Variants in KLF12 observed in about 807,000 individuals in gnomAD.
KLF12 encodes Krueppel-like factor 12.
Under a neutral mutation model 37.8 loss-of-function variants are expected in KLF12, and 9 were observed. That is an observed-to-expected ratio of 0.24 (90% confidence interval 0.14 to 0.42). KLF12 has a LOEUF of 0.42. KLF12 is among the 10% of genes least tolerant of loss of function. The pLI is 1.00. For missense variants in KLF12, 411 were observed against 516.0 expected (o/e 0.80, Z 1.97); for synonymous variants, 208 against 202.1 (o/e 1.03, Z -0.25).
chr13:73,873,942 T>C (rs1886588820), intron 3 of KLF12, among the ~76,000 whole-genome samples: 1 of 151,822 alleles, frequency 6.6e-6, no homozygotes, highest in African/African-American at 2.4e-5. Context: ...AAAAAAAACA[T>C]TGAAGCAAAT....
intron 1 of KLF12, among the ~76,000 whole-genome samples, chr13:74,081,682 T>C (rs543032426): frequency 1.1e-4 from 17 of 152,228 alleles, no homozygotes; most frequent in Non-Finnish European, 2.2e-4. Context: ...TTCTGTTTTA[T>C]TGAATTATTT....
chr13:73,726,505 T>C (rs1876684236), intron 6 of KLF12, among the ~76,000 whole-genome samples: 1 of 152,244 alleles, frequency 6.6e-6, no homozygotes, highest in Admixed American at 6.5e-5. Context: ...ATTCTGGACA[T>C]TTAATAGAAA....
At chr13:74,284,450 A>G in the KLF12 span, among the ~76,000 whole-genome samples, 1 of 152,198 alleles carries the variant, frequency 6.6e-6, no homozygotes, top group East Asian at 1.9e-4. Flanking sequence ...AAACAGTGTG[A>G]TGATTTTTGT....
At chr13:74,046,873 T>C (rs956604167) in intron 1 of KLF12, among the ~76,000 whole-genome samples, 1 of 152,206 alleles carries the variant, frequency 6.6e-6, no homozygotes, top group South Asian at 2.1e-4. Flanking sequence ...CATATAAGAC[T>C]TAAAATACCA....
chr13:74,280,516 G>C, the KLF12 span, among the ~76,000 whole-genome samples: 4 of 152,322 alleles, frequency 2.6e-5, no homozygotes, highest in African/African-American at 9.6e-5. Context: ...TCTCATGGTG[G>C]TGAAAACTGT....
chr13:74,269,711 G>A, the KLF12 span, among the ~76,000 whole-genome samples: 1 of 152,114 alleles, frequency 6.6e-6, no homozygotes, highest in Non-Finnish European at 1.5e-5. Flanking sequence ...CTATGTGATA[G>A]GAATTCTATT....
chr13:74,029,527 C>A (rs907142814), intron 1 of KLF12, among the ~76,000 whole-genome samples: 18 of 152,096 alleles, frequency 1.2e-4, no homozygotes, highest in African/African-American at 4.1e-4. Flanking sequence ...TATACTGGAT[C>A]ACATAAATCT....
intron 1 of KLF12, among the ~76,000 whole-genome samples, chr13:74,109,487 G>C (rs945168611): frequency 1.3e-5 from 2 of 152,034 alleles, no homozygotes; most frequent in Admixed American, 6.5e-5. Flanking sequence ...TAAAAGAACA[G>C]ATTATTTGAA....
chr13:73,728,673 A>T (rs137959729), intron 6 of KLF12, among the ~76,000 whole-genome samples: 1 of 152,348 alleles, frequency 6.6e-6, no homozygotes, highest in East Asian at 1.9e-4. Flanking sequence ...GTGTCTATCA[A>T]GATAAACGTG....
At chr13:73,759,445 G>T (rs1417819661) in intron 6 of KLF12, among the ~76,000 whole-genome samples, 1 of 152,126 alleles carries the variant, frequency 6.6e-6, no homozygotes, top group Admixed American at 6.5e-5. Flanking sequence ...TTTTGGCAGG[G>T]AGTAAGTGCC....
intron 2 of KLF12, among the ~76,000 whole-genome samples, chr13:73,949,927 C>T (rs1328382015): frequency 2.0e-5 from 3 of 150,778 alleles, no homozygotes; most frequent in Admixed American, 6.6e-5. Flanking sequence ...AACCATAGGC[C>T]TATTGGGACT....
chr13:74,221,235 T>C, the KLF12 span, among the ~76,000 whole-genome samples: 3 of 152,190 alleles, frequency 2.0e-5, no homozygotes, highest in Non-Finnish European at 4.4e-5. Context: ...CTCGATCTCC[T>C]GACCTCGTCA....
chr13:73,899,830 G>A (rs1264457251), intron 3 of KLF12, among the ~76,000 whole-genome samples: 3 of 152,094 alleles, frequency 2.0e-5, no homozygotes, highest in African/African-American at 7.2e-5. Flanking sequence ...TTTGGGACTT[G>A]GACTGACAGT....
the KLF12 span, among the ~76,000 whole-genome samples, chr13:74,260,209 G>T: frequency 1.3e-5 from 2 of 151,982 alleles, no homozygotes; most frequent in African/African-American, 4.8e-5. Flanking sequence ...GAGGTTACTT[G>T]GACCATTGGA....
the KLF12 span, among the ~76,000 whole-genome samples, chr13:74,265,058 A>G: frequency 1.3e-5 from 2 of 152,254 alleles, no homozygotes; most frequent in Non-Finnish European, 2.9e-5. Context: ...CATGAATCTC[A>G]TCTACTTCCT....
chr13:73,999,577 C>CAAA (rs5804706), intron 1 of KLF12, among the ~76,000 whole-genome samples: 8 of 145,850 alleles, frequency 5.5e-5, no homozygotes, highest in African/African-American at 2.0e-4. Flanking sequence ...ACTAAAAATA[C>CAAA]AAAAAAAAAA....
chr13:74,019,994 T>A (rs539241878), intron 1 of KLF12, among the ~76,000 whole-genome samples: 1 of 152,246 alleles, frequency 6.6e-6, no homozygotes, highest in Admixed American at 6.5e-5. Context: ...CCTGTGGCCA[T>A]GTCTTAAAGG....
the KLF12 span, among the ~76,000 whole-genome samples, chr13:74,287,126 C>CTT: frequency 7.2e-5 from 11 of 152,180 alleles, no homozygotes; most frequent in Admixed American, 7.2e-4. Context: ...CGGCTCACTG[C>CTT]TGCAGGCTTT....
chr13:74,041,326 A>C (rs1001722012), intron 1 of KLF12, among the ~76,000 whole-genome samples: 1 of 152,214 alleles, frequency 6.6e-6, no homozygotes, highest in Non-Finnish European at 1.5e-5. Context: ...TTATTATGGA[A>C]GTATTTATAT....
Sources: allele counts gnomAD v4.1 joint callset (sites outside exome capture counted in the v4.1 genomes callset), GRCh38; gene constraint gnomAD v4.1.1; transcripts MANE v1.5; gene names NCBI Gene and HGNC (gene_info 2026-07-23, HGNC 2026-07-21).